Variants in MLST8 observed in about 807,000 individuals in gnomAD.
MLST8 encodes target of rapamycin complex subunit LST8.
A neutral mutation model predicts 41.3 loss-of-function variants in MLST8; 20 were observed. That is an observed-to-expected ratio of 0.48 (90% CI 0.34 to 0.70). The LOEUF (loss-of-function observed/expected upper bound fraction) is 0.70, where lower values mean the gene tolerates loss of function less well. Among genes scored for constraint, MLST8 ranks in the 30% least tolerant of loss-of-function variants. The pLI, the probability that MLST8 is intolerant of heterozygous loss-of-function variation, is 0.01. For synonymous variants in MLST8, 243 were observed against 183.0 expected (o/e 1.33, Z -2.65); for missense variants, 422 against 454.3 (o/e 0.93, Z 0.65).
Position 2,209,134 on chromosome 16 carries a change from C to T in MLST8, c.*257C>T. ...AGCCTGCACTGCCTGGGAAAGTCGG[C>T]CGAGGGCCCAAAGCTGCTGAGGGGT... is the stretch of plus-strand genomic sequence containing the variant. On this transcript the variant is annotated 3_prime_UTR_variant, in exon 9 of 9. Transcript: ENST00000569417. The T allele has an allele frequency of 1.6e-6, 1 of 640,546 alleles. No individual in the cohort carries two copies. 39.7% of individuals were successfully genotyped at this position (640,546 alleles called of 1,614,324 possible).
Position 2,208,623 on chromosome 16 carries a change from G to GCCCTGGCCTCCCCCAT in MLST8, c.862+19_862+34dup. 2.5e-6 allele frequency: 4 copies of GCCCTGGCCTCCCCCAT among 1,611,770 alleles called. No individual in the cohort carries two copies. The highest frequency in any genetic ancestry group is 3.4e-6 in the Non-Finnish European group (4 of 1,179,314). On this transcript the variant is annotated intron_variant, in intron 8 of 8. Transcript: ENST00000569417. The stretch of plus-strand genomic sequence containing the variant: ...CAGTACATCGTCACTGGTGAGCCCC[G>GCCCTGGCCTCCCCCAT]CCCTGGCCTCCCCCATCCCTGGCCC...
chr16:2,206,003 T>C, intron 1 of MLST8, 28 bp from the exon 2 acceptor site: 1 of 1,511,946 alleles, frequency 6.6e-7, no homozygotes, highest in South Asian at 1.3e-5. Flanking sequence ...GAGAGTGTCT[T>C]CTAAGTACTT....
Position 2,207,116 on chromosome 16 carries a change from G to T in MLST8, c.420+6G>T. On this transcript the variant is annotated splice_donor_region_variant and intron_variant, in intron 5 of 8. Coordinates refer to ENST00000569417, the MANE Select transcript of MLST8 (RefSeq NM_022372.6). Reference sequence around the variant, plus strand: ...TGTGCCTGCACCCCAACCAGGTGAGGGGTGCTCATGGGGCCAGGCACCCTG... The same window carrying T: ...TGTGCCTGCACCCCAACCAGGTGAGTGGTGCTCATGGGGCCAGGCACCCTG... 3 of 1,613,560 alleles carry T rather than the reference G, an allele frequency of 1.9e-6. No individual in the cohort carries two copies. Among genetic ancestry groups the T allele is most frequent in the Non-Finnish European group, 1.7e-6 (2 of 1,179,672 alleles).
intron 6 of MLST8, 196 bp downstream of exon 6, chr16:2,207,541 C>T: frequency 4.8e-6 from 3 of 631,388 alleles, no homozygotes; most frequent in Non-Finnish European, 8.1e-6. Flanking sequence ...GCAGGTCGGT[C>T]ACTCCGCTTT....
At chr16:2,205,929 T>G in intron 1 of MLST8, 102 bp from the exon 2 acceptor site, 1 of 1,446,322 alleles carries the variant, frequency 6.9e-7, no homozygotes, top group Non-Finnish European at 9.1e-7. Flanking sequence ...TTGTCCCAAC[T>G]CTAAAATGGG....
intron 2 of MLST8, 34 bp from the exon 3 acceptor site, chr16:2,206,324 G>C (rs769850485): frequency 4.3e-6 from 7 of 1,612,680 alleles, no homozygotes. Flanking sequence ...TGGCCTCAGG[G>C]CTACCTTCCC....
rs376401062 is a variant in MLST8 at position 2,208,191 on chromosome 16, C to T, written c.574-19C>T. 458 of 1,591,602 alleles carry T rather than the reference C, an allele frequency of 2.9e-4. 2 individuals are homozygous for T. Among genetic ancestry groups the T allele is most frequent in the African/African-American group, 2.4e-3 (176 of 74,564 alleles). On this transcript the variant is annotated intron_variant, in intron 6 of 8. Coordinates refer to ENST00000569417, the MANE Select transcript of MLST8 (RefSeq NM_022372.6). Reference sequence around the variant, plus strand: ...ACCTGAGGCCTTGGGCCCTCCGTGACGGTCCTCCTGACCTCTAGGGAAACT... The same window carrying T: ...ACCTGAGGCCTTGGGCCCTCCGTGATGGTCCTCCTGACCTCTAGGGAAACT...
intron 8 of MLST8, 54 bp downstream of exon 8, chr16:2,208,667 G>T: frequency 6.2e-7 from 1 of 1,612,442 alleles, no homozygotes; most frequent in Non-Finnish European, 8.5e-7. Flanking sequence ...GGCCTCCAGA[G>T]CCAGCCCACC....
intron 2 of MLST8, 33 bp downstream of exon 2, chr16:2,206,247 TG>T: frequency 1.2e-6 from 2 of 1,600,292 alleles, no homozygotes; most frequent in Non-Finnish European, 1.7e-6. Context: ...AGGGCGGCGC[TG>T]GGGGGATGCC....
rs1385286219 is a variant in MLST8, at chr16:2,209,043, C to T, written c.*166C>T. On this transcript the variant is annotated 3_prime_UTR_variant, in exon 9 of 9. Transcript: ENST00000569417. ...CCAGGCTGCCCTGGGACTCTCAGCC[C>T]CCAGTTGCTTATCCAGATGTGACAG... 37 of 745,492 alleles carry T rather than the reference C, an allele frequency of 5.0e-5. No individual in the cohort carries two copies. Among genetic ancestry groups the T allele is most frequent in the East Asian group, 2.6e-5 (1 of 38,704 alleles). 46.2% of individuals were successfully genotyped at this position (745,492 alleles called of 1,614,324 possible).
intron 1 of MLST8, chr16:2,205,758 G>A (rs975588378): frequency 9.7e-7 from 1 of 1,032,792 alleles, no homozygotes; most frequent in Non-Finnish European, 1.2e-6. Context: ...CGCCCCTGCG[G>A]CAGAGTGGCG....
Position 2,209,296 on chromosome 16 carries a change from C to T in MLST8, c.*419C>T, listed in dbSNP as rs2093358321. 2.1e-6 allele frequency: 3 copies of T among 1,425,418 alleles called. No individual in the cohort carries two copies. Among genetic ancestry groups the T allele is most frequent in the East Asian group, 4.6e-5 (2 of 43,650 alleles). 88.3% of individuals were successfully genotyped at this position (1,425,418 alleles called of 1,614,324 possible). On this transcript the variant is annotated 3_prime_UTR_variant, in exon 9 of 9. Transcript: ENST00000569417. ...TTAGTCCCTGCCAGCAGCTGTCCTCCCTGGTGCAGGTGGCCTGGCCAGCCC... is the reference window on the plus strand; with the variant it reads ...TTAGTCCCTGCCAGCAGCTGTCCTCTCTGGTGCAGGTGGCCTGGCCAGCCC...
Position 2,206,585 on chromosome 16 carries a change from T to C in MLST8, c.270T>C (p.Ser90=), listed in dbSNP as rs958197675. ...SYDGVNKNIA[S]VGFHEDGRWM... is the part of the protein sequence containing the mutation. ...ACGGCGTCAACAAGAACATCGCGTC[T>C]GTGGGCTTCCACGAAGACGGCCGCT... is the stretch of plus-strand genomic sequence containing the variant. Residue 90 remains serine (S), a synonymous_variant, in exon 4 of 9, where the codon TCT becomes TCC. Transcript: ENST00000569417. The C allele has an allele frequency of 6.2e-7, 1 of 1,613,876 alleles. No homozygotes were observed. The highest frequency in any genetic ancestry group is 1.3e-5 in the African/African-American group (1 of 74,868).
At chr16:2,206,816 G>C (rs1044183305) in intron 4 of MLST8, 157 bp downstream of exon 4, 14 of 1,032,506 alleles carry the variant, frequency 1.4e-5, no homozygotes, top group Non-Finnish European at 2.1e-5. Flanking sequence ...AATTGCATCA[G>C]AGCGCGAGTC....
In MLST8 at chr16:2,206,865, A is replaced by G. The variant is rs974006448; in HGVS notation, c.345-170A>G. Reference sequence around the variant, plus strand: ...GGAGCCAGCTTGTTATTCCCCTTCCACCAGCCACTGGCTTAGGCTCCCTGC... The same window carrying G: ...GGAGCCAGCTTGTTATTCCCCTTCCGCCAGCCACTGGCTTAGGCTCCCTGC... On this transcript the variant is annotated intron_variant, in intron 4 of 8. Coordinates refer to ENST00000569417, the MANE Select transcript of MLST8 (RefSeq NM_022372.6). 4.7e-6 allele frequency: 5 copies of G among 1,061,962 alleles called. No individual in the cohort carries two copies. The African/African-American group carries it at 6.2e-5, about 13-fold the overall frequency. The allele number at this position is 1,061,962 out of a possible 1,614,324, so 65.8% of individuals were successfully genotyped here.
chr16:2,208,996 T>A lies in MLST8; in HGVS notation c.*119T>A. ...GCGCCAGCTGGACCTGATGGCCCCCTGTGGCGCCTTGACCTGCTGGGCCAG... is the reference window on the plus strand; with the variant it reads ...GCGCCAGCTGGACCTGATGGCCCCCAGTGGCGCCTTGACCTGCTGGGCCAG... On this transcript the variant is annotated 3_prime_UTR_variant, in exon 9 of 9. Transcript: ENST00000569417. 8.9e-7 allele frequency: 1 copy of A among 1,124,936 alleles called. No individual in the cohort carries two copies. The highest frequency in any genetic ancestry group is 1.3e-6 in the Non-Finnish European group (1 of 766,896). The allele number at this position is 1,124,936 out of a possible 1,614,324, so 69.7% of individuals were successfully genotyped here.
chr16:2,206,065 A>G lies in MLST8; in HGVS notation c.-21A>G, dbSNP rs1311963959. The G allele has an allele frequency of 2.5e-6, 4 of 1,572,912 alleles. No homozygotes were observed. In the Admixed American group the frequency reaches 5.5e-5, roughly 22 times the overall value. On this transcript the variant is annotated 5_prime_UTR_variant, in exon 2 of 9. Coordinates refer to ENST00000569417, the MANE Select transcript of MLST8 (RefSeq NM_022372.6). ...CCTTTGACCCCTGCCGTTCAGCTCT[A>G]GGGCCCGTGCAGGCCACACCATGAA... is the stretch of plus-strand genomic sequence containing the variant.
chr16:2,207,387 C>A (rs749249830), intron 6 of MLST8, 42 bp downstream of exon 6: 1 of 1,595,842 alleles, frequency 6.3e-7, no homozygotes, highest in South Asian at 1.1e-5. Context: ...CAGCTTGGCA[C>A]TCAGCCCTCA....
chr16:2,208,155 C>A (rs922998831), intron 6 of MLST8, 55 bp from the exon 7 acceptor site: 1 of 1,542,518 alleles, frequency 6.5e-7, no homozygotes. Context: ...GCATCCTTCC[C>A]TGTGTCTCAG....
Sources: gnomAD v4.1 joint callset for allele counts on GRCh38, gnomAD v4.1.1 for gene constraint, MANE v1.5 for transcripts, NCBI Gene and HGNC (gene_info 2026-07-23, HGNC 2026-07-21) for gene names.